EPYC: variants seen among roughly 807,000 people sequenced by gnomAD.
EPYC encodes dermatan sulfate proteoglycan 3.
In EPYC, 28 loss-of-function variants were observed where a neutral mutation model predicts 30.1. The observed-to-expected ratio is 0.93, with a 90% CI of 0.69 to 1.28. EPYC has a LOEUF of 1.28. EPYC is among the 50% of genes most tolerant of loss of function. The pLI is 0.00. For missense variants in EPYC, 382 were observed against 383.5 expected (o/e 1.00, Z 0.03); for synonymous variants, 144 against 141.4 (o/e 1.02, Z -0.13).
rs146839750 is a variant in EPYC at position 90,971,949 on chromosome 12, C to G, written c.553G>C (p.Asp185His). ...AGTTGAGGCAGTTTTCGGAATGCAT[C>G]TTCATCAATCTCAGATATTAAATTT... is the stretch of plus-strand genomic sequence containing the variant. ...TSNLISEIDE[D>H]AFRKLPQLRE... is the part of the protein sequence containing the mutation. The change falls in exon 5 of 7, where the codon GAT becomes CAT. Residue 185 changes from aspartate (D) to histidine (H), a missense_variant. Asp to His is a moderately conservative substitution (Grantham distance 81, BLOSUM62 -1). Coordinates refer to ENST00000261172, the MANE Select transcript of EPYC (RefSeq NM_004950.5). 6.5e-4 allele frequency: 1,043 copies of G among 1,609,214 alleles called. 1 individual carries two copies. Among genetic ancestry groups the G allele is most frequent in the Admixed American group, 2.2e-3 (130 of 59,218 alleles).
Position 90,970,644 on chromosome 12 carries a change from A to G in EPYC, c.703-505T>C, listed in dbSNP as rs554015341. 2.0e-5 allele frequency among the ~76,000 whole-genome samples: 3 copies of G among 152,346 alleles called. No individual in the cohort carries two copies. In the South Asian group the frequency reaches 6.2e-4, roughly 32 times the overall value. ...GTTCTACTCTAGCCAAACACCCTAG[A>G]ATAAACTGTGACTCATCACCACCTG... On this transcript the variant is annotated intron_variant, in intron 5 of 6. Transcript: ENST00000261172.
At position 90,972,953 on chromosome 12, in the gene EPYC, C is replaced by T; in HGVS notation, c.368G>A (p.Cys123Tyr). The T allele has an allele frequency of 1.2e-6, 2 of 1,600,346 alleles. No homozygotes were observed. Among genetic ancestry groups the T allele is most frequent in the East Asian group, 2.2e-5 (1 of 44,462 alleles). The change falls in exon 4 of 7, where the codon TGT (cysteine) becomes TAT (tyrosine). Residue 123 changes from cysteine to tyrosine, a missense_variant. Transcript: ENST00000261172. ...ATCACAGTACACGGTGGTACTTATA[C>T]AAGTACACAAAAGACAGGTTGGAAA... ...EDFPTCLLCT[C>Y]ISTTVYCDDH...
At chr12:90,981,240 C>T (rs939104378) in intron 2 of EPYC, among the ~76,000 whole-genome samples, 2 of 152,128 alleles carry the variant, frequency 1.3e-5, no homozygotes, top group Non-Finnish European at 2.9e-5. Context: ...TCTCTGCACC[C>T]TGCACAGCCC....
intron 3 of EPYC, among the ~76,000 whole-genome samples, chr12:90,973,280 CAT>C (rs1233567438): frequency 6.6e-6 from 1 of 152,016 alleles, no homozygotes; most frequent in Non-Finnish European, 1.5e-5. Context: ...TAAAATATCA[CAT>C]GTAATATTTT....
intron 2 of EPYC, among the ~76,000 whole-genome samples, chr12:90,999,585 G>A (rs1168789584): frequency 6.6e-6 from 1 of 152,004 alleles, no homozygotes. Flanking sequence ...GGTTACGTTA[G>A]TAGTATTTAG....
At chr12:90,981,060 A>G (rs1450389405) in intron 2 of EPYC, among the ~76,000 whole-genome samples, 1 of 152,152 alleles carries the variant, frequency 6.6e-6, no homozygotes, top group Non-Finnish European at 1.5e-5. Context: ...TAGATAACTT[A>G]TATCATGGTA....
chr12:90,964,459 T>C lies in EPYC; in HGVS notation c.799-133A>G. On this transcript the variant is annotated intron_variant, in intron 6 of 6. Coordinates refer to ENST00000261172, the MANE Select transcript of EPYC (RefSeq NM_004950.5). ...CTCAATCAAAATTACTTAATGTATATGCCAAGCACTTTCTAAGCAATGGGG... is the reference window on the plus strand; with the variant it reads ...CTCAATCAAAATTACTTAATGTATACGCCAAGCACTTTCTAAGCAATGGGG... 8.7e-6 allele frequency: 5 copies of C among 573,036 alleles called. No homozygotes were observed. In the South Asian group the frequency reaches 1.6e-4, roughly 18 times the overall value. 35.5% of individuals were successfully genotyped at this position (573,036 alleles called of 1,614,324 possible).
At chr12:90,992,611 A>T (rs1877611097) in intron 2 of EPYC, among the ~76,000 whole-genome samples, 1 of 152,208 alleles carries the variant, frequency 6.6e-6, no homozygotes, top group African/African-American at 2.4e-5. Context: ...AGAAAGAAAG[A>T]GAAACTTCAG....
At chr12:90,973,932 G>A (rs559827553) in intron 3 of EPYC, among the ~76,000 whole-genome samples, 5 of 152,090 alleles carry the variant, frequency 3.3e-5, no homozygotes, top group African/African-American at 1.2e-4. Flanking sequence ...GAATCATAGT[G>A]TAGACAAAAG....
chr12:90,988,494 A>T (rs765024762), intron 2 of EPYC, among the ~76,000 whole-genome samples: 11 of 152,144 alleles, frequency 7.2e-5, no homozygotes, highest in Non-Finnish European at 1.5e-4. Flanking sequence ...CATGGAGAAG[A>T]AAGGTTTCAT....
chr12:90,999,675 C>A (rs550813376), intron 2 of EPYC, among the ~76,000 whole-genome samples: 1 of 152,012 alleles, frequency 6.6e-6, no homozygotes, highest in African/African-American at 2.4e-5. Context: ...ATGCTTACCA[C>A]GAGTCACTGA....
At chr12:90,972,305 T>G (rs2120807487) in intron 4 of EPYC, among the ~76,000 whole-genome samples, 1 of 152,308 alleles carries the variant, frequency 6.6e-6, no homozygotes, top group East Asian at 1.9e-4. Context: ...ATAAAGACTG[T>G]TGTGTTTTCT....
intron 2 of EPYC, among the ~76,000 whole-genome samples, chr12:91,000,913 A>G (rs1877807913): frequency 6.6e-6 from 1 of 152,144 alleles, no homozygotes; most frequent in Non-Finnish European, 1.5e-5. Context: ...TGTAGAAGTC[A>G]CATAGGCCAA....
intron 2 of EPYC, among the ~76,000 whole-genome samples, chr12:90,993,083 A>G (rs369850918): frequency 6.6e-6 from 1 of 152,196 alleles, no homozygotes; most frequent in African/African-American, 2.4e-5. Flanking sequence ...TTCTTCTGGA[A>G]CAATCAAATC....
intron 3 of EPYC, among the ~76,000 whole-genome samples, chr12:90,977,596 G>A (rs11105896): frequency 1.3e-5 from 2 of 152,260 alleles, no homozygotes; most frequent in East Asian, 1.9e-4. Flanking sequence ...ATAATGAGAA[G>A]AGTAATATTA....
chr12:90,978,070 T>C lies in EPYC; in HGVS notation c.340+18A>G, dbSNP rs761211570. On this transcript the variant is annotated intron_variant, in intron 3 of 6. Transcript: ENST00000261172. ...GACAAAGTGGACTCAATTGTAATTC[T>C]GCTTTGAGGTACCTGACCTTCATTT... The C allele has an allele frequency of 2.0e-6, 3 of 1,532,178 alleles. No homozygotes were observed. In the East Asian group the frequency reaches 7.3e-5, roughly 37 times the overall value. 94.9% of individuals were successfully genotyped at this position (1,532,178 alleles called of 1,614,324 possible). A position where few individuals can be genotyped will look rare whatever the true frequency, so the allele number is the denominator to read the frequency against.
chr12:91,000,415 T>C (rs1002883461), intron 2 of EPYC, among the ~76,000 whole-genome samples: 1 of 152,134 alleles, frequency 6.6e-6, no homozygotes, highest in Non-Finnish European at 1.5e-5. Flanking sequence ...TATACAGATA[T>C]GTTTGTTAGC....
Position 90,972,869 on chromosome 12 carries a change from C to A in EPYC, c.452G>T (p.Arg151Leu). 6.2e-7 allele frequency: 1 copy of A among 1,613,362 alleles called. No individual in the cohort carries two copies. The highest frequency in any genetic ancestry group is 8.5e-7 in the Non-Finnish European group (1 of 1,179,608). Reference sequence around the variant, plus strand: ...GTTGATCTTTTTAATTCTGTTAAAGCGGGAATAGAAATAAGCGGTGTTCTT... The same window carrying A: ...GTTGATCTTTTTAATTCTGTTAAAGAGGGAATAGAAATAAGCGGTGTTCTT... ...LPKNTAYFYS[R>L]FNRIKKINKN... Residue 151 changes from arginine (R) to leucine (L), a missense_variant, in exon 4 of 7, where the codon CGC (arginine) becomes CTC (leucine). Transcript: ENST00000261172.
chr12:90,980,021 G>T (rs1027097921), intron 2 of EPYC, among the ~76,000 whole-genome samples: 3 of 152,122 alleles, frequency 2.0e-5, no homozygotes, highest in Admixed American at 1.3e-4. Context: ...TGAGAAGTTT[G>T]GGCACATTTT....
Sources: gnomAD v4.1 joint callset for allele counts (sites outside exome capture counted in the v4.1 genomes callset) on GRCh38, gnomAD v4.1.1 for gene constraint, MANE v1.5 for transcripts, NCBI Gene and HGNC (gene_info 2026-07-23, HGNC 2026-07-21) for gene names.